The following MOSPD2 variants were observed in gnomAD, a reference collection of about 807,000 sequenced individuals.
MOSPD2 encodes the protein motile sperm domain containing 2, also known as motile sperm domain-containing protein 2.
In MOSPD2, 5 loss-of-function variants were observed where a neutral mutation model predicts 41.7. The observed-to-expected ratio is 0.12, with a 90% CI of 0.06 to 0.25. The LOEUF is 0.25. MOSPD2 is among the 10% of genes least tolerant of loss of function. The probability of loss-of-function intolerance (pLI) is 1.00; values close to 1 mark genes in which losing one functional copy is unlikely to be tolerated. For synonymous variants in MOSPD2, 115 were observed against 126.9 expected (o/e 0.91, Z 0.63); for missense variants, 282 against 375.2 (o/e 0.75, Z 2.05).
Position 14,922,089 on chromosome X carries a change from T to A in MOSPD2, c.*2280T>A, listed in dbSNP as rs1210196320. The stretch of plus-strand genomic sequence containing the variant: ...CATAACTGTTTTTATATATTGCCAC[T>A]AATTTTGACTGGATTTAATAGCACT... On this transcript the variant is annotated 3_prime_UTR_variant, in exon 15 of 15. Transcript: ENST00000380492. The A allele has an allele frequency of 9.0e-6, 1 of 111,402 alleles. No individual in the cohort carries two copies. Among genetic ancestry groups the A allele is most frequent in the Non-Finnish European group, 1.9e-5 (1 of 53,119 alleles). 9.2% of individuals were successfully genotyped at this position (111,402 alleles called of 1,213,427 possible).
chrX:14,907,616 A>T (rs1478398467), intron 7 of MOSPD2, among the ~76,000 whole-genome samples: 1 of 112,536 alleles, frequency 8.9e-6, no homozygotes, highest in Non-Finnish European at 1.9e-5. Flanking sequence ...GCCATGTTGT[A>T]TGGTTTCATT....
chrX:14,897,365 T>TC (rs2092564849), intron 5 of MOSPD2, 127 bp downstream of exon 5: 1 of 514,430 alleles, frequency 1.9e-6, no homozygotes, highest in Admixed American at 3.6e-5. Context: ...ATTTATTTTT[T>TC]CACCTTGCAG....
Position 14,919,630 on chromosome X carries a change from G to A in MOSPD2, c.1420-42G>A, listed in dbSNP as rs753216042. 10 of 1,035,326 alleles carry A rather than the reference G, an allele frequency of 9.7e-6. 1 individual carries two copies. The South Asian group carries it at 1.0e-4, about 11-fold the overall frequency. The allele number at this position is 1,035,326 out of a possible 1,213,427, so 85.3% of individuals were successfully genotyped here. A position where few individuals can be genotyped will look rare whatever the true frequency, so the allele number is the denominator to read the frequency against. On this transcript the variant is annotated intron_variant, in intron 14 of 14. Transcript: ENST00000380492. ...TTTGTCATGCCCATGATTAATGGCT[G>A]TTTTATTGATATAAATCTTTCATCC... is the stretch of plus-strand genomic sequence containing the variant.
In MOSPD2 at chrX:14,920,493, G is replaced by A. The variant is rs763277190; in HGVS notation, c.*684G>A. On this transcript the variant is annotated 3_prime_UTR_variant, in exon 15 of 15. Transcript: ENST00000380492. ...TTCAGTAGAATTTGGAAAACTAAGC[G>A]TGGTTGGAATTTCTTTGAATTCTGT... 1.9e-5 allele frequency: 14 copies of A among 750,128 alleles called. No homozygotes were observed. The Admixed American group carries it at 2.6e-4, about 14-fold the overall frequency. 61.8% of individuals were successfully genotyped at this position (750,128 alleles called of 1,213,427 possible).
At chrX:14,913,025 A>G (rs2092594504) in intron 10 of MOSPD2, among the ~76,000 whole-genome samples, 1 of 111,991 alleles carries the variant, frequency 8.9e-6, no homozygotes, top group African/African-American at 3.2e-5. Flanking sequence ...CTTTTAAAAA[A>G]TCTAATCTGA....
At chrX:14,885,582 A>G (rs2092539665) in intron 2 of MOSPD2, 1 of 111,959 alleles carries the variant, frequency 8.9e-6, no homozygotes, top group South Asian at 3.6e-4. Context: ...TCTACATTAT[A>G]TAGGATAACT....
At chrX:14,911,668 G>A (rs1046341879) in intron 9 of MOSPD2, among the ~76,000 whole-genome samples, 2 of 111,924 alleles carry the variant, frequency 1.8e-5, no homozygotes, top group Middle Eastern at 4.3e-3. Context: ...TGGAAGGATC[G>A]CTTGAGCACC....
intron 8 of MOSPD2, among the ~76,000 whole-genome samples, chrX:14,910,931 TACACAC>T (rs35768433): frequency 8.9e-5 from 9 of 100,638 alleles, no homozygotes; most frequent in Non-Finnish European, 1.6e-4. Flanking sequence ...TCTTTAAAAA[TACACAC>T]ACACACACAC....
intron 8 of MOSPD2, among the ~76,000 whole-genome samples, chrX:14,910,619 G>GA (rs1449820298): frequency 9.0e-6 from 1 of 111,206 alleles, no homozygotes; most frequent in East Asian, 2.8e-4. Flanking sequence ...TAAACTCCTA[G>GA]AAAAAAATCT....
At chrX:14,910,146 A>T (rs951395674) in intron 8 of MOSPD2, among the ~76,000 whole-genome samples, 4 of 109,954 alleles carry the variant, frequency 3.6e-5, no homozygotes, top group Admixed American at 9.8e-5. Flanking sequence ...ATTTTTAAGT[A>T]TTTTTTTTCA....
intron 8 of MOSPD2, among the ~76,000 whole-genome samples, chrX:14,909,313 G>A (rs992305993): frequency 1.8e-5 from 2 of 111,129 alleles, no homozygotes; most frequent in Non-Finnish European, 3.8e-5. Flanking sequence ...AATTTGCAGG[G>A]ATATGTATTA....
intron 3 of MOSPD2, 142 bp from the exon 4 acceptor site, chrX:14,895,166 G>A (rs773212955): frequency 3.9e-5 from 17 of 438,874 alleles, no homozygotes; most frequent in African/African-American, 3.1e-4. Flanking sequence ...ACTTTATATT[G>A]CCAGAGATTT....
intron 2 of MOSPD2, among the ~76,000 whole-genome samples, chrX:14,878,168 C>T (rs2092524770): frequency 9.0e-6 from 1 of 111,627 alleles, no homozygotes; most frequent in Admixed American, 9.5e-5. Context: ...TAGATTCTTT[C>T]CAGTTTCATT....
intron 13 of MOSPD2, among the ~76,000 whole-genome samples, chrX:14,917,233 A>C (rs1271447765): frequency 1.8e-5 from 2 of 112,190 alleles, no homozygotes; most frequent in African/African-American, 3.2e-5. Flanking sequence ...CACTCCGATG[A>C]CATTAGAGTA....
chrX:14,879,964 T>C (rs1175547297), intron 2 of MOSPD2, among the ~76,000 whole-genome samples: 2 of 110,592 alleles, frequency 1.8e-5, no homozygotes, highest in Non-Finnish European at 3.8e-5. Context: ...CTGTGAAAAT[T>C]ACTCCTTCCA....
At chrX:14,884,119 T>C (rs1332540051) in intron 2 of MOSPD2, among the ~76,000 whole-genome samples, 1 of 111,221 alleles carries the variant, frequency 9.0e-6, no homozygotes, top group Non-Finnish European at 1.9e-5. Context: ...TTAGAACATT[T>C]ATTCAAAAGT....
At chrX:14,882,891 A>C (rs921574915) in intron 2 of MOSPD2, among the ~76,000 whole-genome samples, 8 of 109,204 alleles carry the variant, frequency 7.3e-5, no homozygotes. Flanking sequence ...GGAAATGTGC[A>C]GCTCTAAAGA....
At chrX:14,877,446 A>G (rs1198561126) in intron 2 of MOSPD2, among the ~76,000 whole-genome samples, 1 of 109,406 alleles carries the variant, frequency 9.1e-6, no homozygotes, top group Non-Finnish European at 1.9e-5. Context: ...GGGTTCAAGC[A>G]ATTGTCCTAC....
chrX:14,879,011 A>G (rs906273201), intron 2 of MOSPD2, among the ~76,000 whole-genome samples: 2 of 111,405 alleles, frequency 1.8e-5, no homozygotes, highest in African/African-American at 3.3e-5. Context: ...TAAATTTGCA[A>G]CCTATGACAT....
Sources: allele counts gnomAD v4.1 joint callset (sites outside exome capture counted in the v4.1 genomes callset), GRCh38; gene constraint gnomAD v4.1.1; transcripts MANE v1.5; gene names NCBI Gene and HGNC (gene_info 2026-07-23, HGNC 2026-07-21).